Variants in MYT1 observed in about 807,000 individuals in gnomAD.
MYT1 encodes the protein myelin transcription factor I.
In MYT1, 23 loss-of-function variants were observed where a neutral mutation model predicts 123.0. The ratio of observed to expected loss-of-function variants is 0.19; its 90% CI spans 0.13 to 0.26. MYT1 has a LOEUF of 0.26. MYT1 is among the 10% of genes least tolerant of loss of function. The pLI, the probability that MYT1 is intolerant of heterozygous loss-of-function variation, is 1.00. For synonymous variants in MYT1, 518 were observed against 575.3 expected, an observed-to-expected ratio of 0.90 and a Z score of 1.43; for missense variants, 1,125 against 1,472.5, an observed-to-expected ratio of 0.76 and a Z score of 3.86.
rs577244922 is a variant in MYT1, at chr20:64,185,220, C to T, written c.-98-4843C>T. Among the ~76,000 whole-genome samples the T allele has an allele frequency of 7.2e-5, 11 of 152,230 alleles. No individual in the cohort carries two copies. Among genetic ancestry groups the T allele is most frequent in the African/African-American group, 2.6e-4 (11 of 41,528 alleles). On this transcript the variant is annotated intron_variant, in intron 1 of 22. Coordinates refer to ENST00000328439, the MANE Select transcript of MYT1 (RefSeq NM_004535.3). This position sits in a 1 kb window ranked among gnomAD's most constrained non-coding sequence, Gnocchi z 4.5. ...AGAATGGAGGGAAGAGTTGATATTC[C>T]TGGGAACTTTCATTGACAGTGGGAA...
At chr20:64,222,998 C>A in intron 14 of MYT1, 113 bp from the exon 15 acceptor site, 1 of 1,225,268 alleles carries the variant, frequency 8.2e-7, no homozygotes, top group Non-Finnish European at 1.2e-6. Context: ...GGGGCCACCG[C>A]TTGGCTCGCG....
chr20:64,201,790 C>G (rs1244191070), intron 4 of MYT1, among the ~76,000 whole-genome samples: 2 of 152,210 alleles, frequency 1.3e-5, no homozygotes, highest in African/African-American at 2.4e-5. Flanking sequence ...GAAGCATGAC[C>G]CACGCAGAAA....
chr20:64,173,217 G>C (rs747720249), intron 1 of MYT1, among the ~76,000 whole-genome samples: 1 of 152,150 alleles, frequency 6.6e-6, no homozygotes, highest in African/African-American at 2.4e-5. Flanking sequence ...AGTGAGGCAA[G>C]GCCCATGGGT....
rs58326483 is a variant in MYT1 at position 64,180,377 on chromosome 20, G to A, written c.-98-9686G>A. On this transcript the variant is annotated intron_variant, in intron 1 of 22. Transcript: ENST00000328439. The stretch of plus-strand genomic sequence containing the variant: ...GGTTCTGCCTTTCCGTAGGCATAAC[G>A]TCCTCTTCCAACAGTGAGAAAGCTG... Among the ~76,000 whole-genome samples the A allele has an allele frequency of 8.6e-3, 1,302 of 152,276 alleles. 19 individuals are homozygous for A. Among genetic ancestry groups the A allele is most frequent in the African/African-American group, 0.03 (1,240 of 41,554 alleles).
chr20:64,181,690 T>C (rs1982655704), intron 1 of MYT1, among the ~76,000 whole-genome samples: 1 of 152,126 alleles, frequency 6.6e-6, no homozygotes, highest in Admixed American at 6.6e-5. Flanking sequence ...CCTGAAACAC[T>C]CATTTGCTCA....
At chr20:64,230,390 G>A (rs1318280972) in intron 18 of MYT1, among the ~76,000 whole-genome samples, 4 of 152,238 alleles carry the variant, frequency 2.6e-5, no homozygotes, top group South Asian at 2.1e-4. Context: ...GCGGGCGCCT[G>A]TAATCCCAGC....
intron 1 of MYT1, among the ~76,000 whole-genome samples, chr20:64,183,521 A>C (rs1251802620): frequency 1.3e-5 from 2 of 152,192 alleles, no homozygotes; most frequent in South Asian, 4.1e-4. Flanking sequence ...AACACTTGTT[A>C]CTATCTGTTT....
intron 19 of MYT1, among the ~76,000 whole-genome samples, chr20:64,233,030 C>G (rs1427775013): frequency 2.0e-5 from 3 of 151,532 alleles, no homozygotes; most frequent in African/African-American, 7.3e-5. Flanking sequence ...AGTGCCTGGT[C>G]CCATCAGAAA....
chr20:64,207,513 G>A, intron 6 of MYT1, 81 bp from the exon 7 acceptor site: 1 of 1,544,698 alleles, frequency 6.5e-7, no homozygotes, highest in Non-Finnish European at 8.7e-7. Context: ...AGGTGGAGGG[G>A]TGGTGGGTGT....
At position 64,231,777 on chromosome 20, in the gene MYT1, G is replaced by A. The variant is rs768474281; in HGVS notation, c.2676-387G>A. 6.6e-5 allele frequency among the ~76,000 whole-genome samples: 10 copies of A among 152,196 alleles called. No individual in the cohort carries two copies. The highest frequency in any genetic ancestry group is 1.2e-4 in the Non-Finnish European group (8 of 68,038). On this transcript the variant is annotated intron_variant, in intron 18 of 22. Transcript: ENST00000328439. The surrounding 1 kb of genome is among the most constrained non-coding windows in gnomAD (Gnocchi z 6.4). Reference sequence around the variant, plus strand: ...CAAGCTCCCAGGGAGTGGCCTCTAGGTGGTCTCAGCTGACAACATGGCTCC... The same window carrying A: ...CAAGCTCCCAGGGAGTGGCCTCTAGATGGTCTCAGCTGACAACATGGCTCC...
At chr20:64,223,429 C>A (rs769077932) in intron 16 of MYT1, 70 bp downstream of exon 16, 63 of 1,557,296 alleles carry the variant, frequency 4.0e-5, no homozygotes, top group Non-Finnish European at 5.3e-5. Context: ...CCATGAGGCT[C>A]CTGCCAAAAT....
chr20:64,195,794 A>C (rs1201352728), intron 2 of MYT1, among the ~76,000 whole-genome samples: 1 of 152,192 alleles, frequency 6.6e-6, no homozygotes, highest in Non-Finnish European at 1.5e-5. Flanking sequence ...TTTTGAGGAG[A>C]CTGCTTTTAT....
In MYT1 at chr20:64,202,714, G is replaced by C. The variant is rs1445086756; in HGVS notation, c.87-2321G>C. Among the ~76,000 whole-genome samples, 1 of 152,178 alleles carries C rather than the reference G, an allele frequency of 6.6e-6. No individual in the cohort carries two copies. Among genetic ancestry groups the C allele is most frequent in the Non-Finnish European group, 1.5e-5 (1 of 68,032 alleles). On this transcript the variant is annotated intron_variant, in intron 4 of 22. Coordinates refer to ENST00000328439, the MANE Select transcript of MYT1 (RefSeq NM_004535.3). This position sits in a 1 kb window ranked among gnomAD's most constrained non-coding sequence, Gnocchi z 5.0. Reference sequence around the variant, plus strand: ...CCTTTGACGCCTACTTTTCAAGTTTGGGTCCCTCAGAGCTGTCATGCAGGA... The same window carrying C: ...CCTTTGACGCCTACTTTTCAAGTTTCGGTCCCTCAGAGCTGTCATGCAGGA...
chr20:64,240,663 G>A lies in MYT1; in HGVS notation c.*215G>A. On this transcript the variant is annotated 3_prime_UTR_variant, in exon 23 of 23. Transcript: ENST00000328439. ...GGTGGCCCTATCTGTGTGCATAGGG[G>A]CACTGAAGAATTACAAAGTGATTTA... 1 of 515,484 alleles carries A rather than the reference G, an allele frequency of 1.9e-6. No homozygotes were observed. The highest frequency in any genetic ancestry group is 3.3e-6 in the Non-Finnish European group (1 of 301,968). The allele number at this position is 515,484 out of a possible 1,614,324, so 31.9% of individuals were successfully genotyped here. A position where few individuals can be genotyped will look rare whatever the true frequency, so the allele number is the denominator to read the frequency against.
At position 64,218,041 on chromosome 20, in the gene MYT1, C is replaced by A. The variant is rs777335412; in HGVS notation, c.1846+760C>A. Among the ~76,000 whole-genome samples the A allele has an allele frequency of 6.6e-6, 1 of 152,166 alleles. No individual in the cohort carries two copies. The highest frequency in any genetic ancestry group is 2.1e-4 in the South Asian group (1 of 4,834). ...GTTGTCAGCCCCAAACATGACGTGA[C>A]GAGTTTCCTACATGAGAATAATAAA... On this transcript the variant is annotated intron_variant, in intron 11 of 22. Coordinates refer to ENST00000328439, the MANE Select transcript of MYT1 (RefSeq NM_004535.3). The surrounding 1 kb of genome is among the most constrained non-coding windows in gnomAD (Gnocchi z 4.0).
chr20:64,180,828 T>C (rs1406119489), intron 1 of MYT1, among the ~76,000 whole-genome samples: 1 of 152,264 alleles, frequency 6.6e-6, no homozygotes, highest in Non-Finnish European at 1.5e-5. Context: ...TTATGTCTCA[T>C]ACAAGATTTT....
chr20:64,206,673 G>A (rs1983495975), intron 6 of MYT1, among the ~76,000 whole-genome samples: 1 of 152,180 alleles, frequency 6.6e-6, no homozygotes, highest in Admixed American at 6.5e-5. Context: ...GAGTGAGTGC[G>A]CTGTCCCGTG....
At chr20:64,171,871 G>A (rs887415087) in intron 1 of MYT1, among the ~76,000 whole-genome samples, 1 of 151,050 alleles carries the variant, frequency 6.6e-6, no homozygotes, top group African/African-American at 2.4e-5. Context: ...GCATCTGGAG[G>A]AACCCAAACC....
At position 64,217,154 on chromosome 20, in the gene MYT1, G is replaced by A; in HGVS notation, c.1719G>A (p.Leu573=). ...CCCCCGCCACACCCAGGGCCAACTT[G>A]GCCAAGGAGCTGGAGAAGTTCTCCA... ...NVAPATPRAN[L]AKELEKFSKV... is the part of the protein sequence containing the mutation. Residue 573 remains leucine, a synonymous_variant, in exon 11 of 23, where the codon TTG becomes TTA. Coordinates refer to ENST00000328439, the MANE Select transcript of MYT1 (RefSeq NM_004535.3). 1 of 1,614,226 alleles carries A rather than the reference G, an allele frequency of 6.2e-7. No homozygotes were observed. The highest frequency in any genetic ancestry group is 1.3e-5 in the African/African-American group (1 of 75,064).
Sources: gnomAD v4.1 joint callset for allele counts (sites outside exome capture counted in the v4.1 genomes callset) on GRCh38, gnomAD v4.1.1 for gene constraint, Gnocchi (gnomAD v3.1) non-coding constraint, MANE v1.5 for transcripts, NCBI Gene and HGNC (gene_info 2026-07-23, HGNC 2026-07-21) for gene names.